ARID1A: variants seen among roughly 807,000 people sequenced by gnomAD.
ARID1A encodes AT-rich interactive domain-containing protein 1A.
ARID1A carries 20 observed loss-of-function variants against 212.6 expected under a neutral mutation model. The observed-to-expected ratio is 0.09, with a 90% confidence interval of 0.07 to 0.14. The LOEUF (loss-of-function observed/expected upper bound fraction) is 0.14. Among genes scored for constraint, ARID1A ranks in the 10% least tolerant of loss-of-function variants. The probability of loss-of-function intolerance (pLI) is 1.00; values close to 1 mark genes in which losing one functional copy is unlikely to be tolerated. For synonymous variants in ARID1A, 1,376 were observed against 1,222.1 expected (o/e 1.13, Z -2.63); for missense variants, 2,587 against 3,059.0 (o/e 0.85, Z 3.64).
chr1:26,771,434 G>T lies in ARID1A; in HGVS notation c.3406+108G>T. 8.0e-7 allele frequency: 1 copy of T among 1,244,920 alleles called. No individual in the cohort carries two copies. The highest frequency in any genetic ancestry group is 1.4e-5 in the South Asian group (1 of 69,424). 77.1% of individuals were successfully genotyped at this position (1,244,920 alleles called of 1,614,324 possible). On this transcript the variant is annotated intron_variant, in intron 12 of 19. Transcript: ENST00000324856. This position sits in a 1 kb window ranked among gnomAD's most constrained non-coding sequence, Gnocchi z 5.4. ...ATCCAACAGGATATGCCAAGGATCT[G>T]TGCTCTGCCTTGCCCTACCACAGGG... is the stretch of plus-strand genomic sequence containing the variant.
chr1:26,708,843 C>T (rs1346593899), intron 1 of ARID1A, among the ~76,000 whole-genome samples: 10 of 151,756 alleles, frequency 6.6e-5, no homozygotes, highest in South Asian at 2.1e-4. Context: ...TACAGGTGCC[C>T]GCCACCACGC....
chr1:26,746,058 A>T (rs1428336330), intron 4 of ARID1A, among the ~76,000 whole-genome samples: 2 of 152,216 alleles, frequency 1.3e-5, no homozygotes, highest in Non-Finnish European at 2.9e-5. Context: ...TCTCAAAAAA[A>T]TAGAAAAGGA....
rs2124070250 is a variant in ARID1A at position 26,763,234 on chromosome 1, C to T, written c.2681C>T (p.Thr894Ile). The T allele has an allele frequency of 6.2e-7, 1 of 1,613,292 alleles. No individual in the cohort carries two copies. Among genetic ancestry groups the T allele is most frequent in the Non-Finnish European group, 8.5e-7 (1 of 1,179,366 alleles). Reference protein sequence around the residue: ...CPPPGGMNRKTQETAVAMHVA... With the variant: ...CPPPGGMNRKIQETAVAMHVA... ...CCACCAGGGGGCATGAACCGGAAAA[C>T]CCAAGAAACTGCTGTCGCCATGCAT... The change falls in exon 8 of 20, where the codon ACC (threonine) becomes ATC (isoleucine). Residue 894 changes from threonine (T) to isoleucine (I), a missense_variant. Physicochemically the swap from Thr to Ile is moderately conservative, Grantham distance 89 (BLOSUM62 -1). Transcript: ENST00000324856.
At chr1:26,728,136 A>G (rs146834894) in intron 1 of ARID1A, among the ~76,000 whole-genome samples, 93 of 152,270 alleles carry the variant, frequency 6.1e-4, no homozygotes, top group African/African-American at 2.2e-3. Flanking sequence ...GTGATTTGGG[A>G]CACAGTTTTA....
intron 1 of ARID1A, among the ~76,000 whole-genome samples, chr1:26,705,152 T>TG (rs2080376954): frequency 6.6e-6 from 1 of 152,132 alleles, no homozygotes; most frequent in Non-Finnish European, 1.5e-5. Flanking sequence ...CCTTTTTTTT[T>TG]TTTTGAGATG....
intron 5 of ARID1A, 72 bp downstream of exon 5, chr1:26,761,168 T>G: frequency 1.9e-6 from 3 of 1,573,794 alleles, no homozygotes; most frequent in Non-Finnish European, 2.6e-6. Flanking sequence ...AGCCCTAGTC[T>G]TCCACTGGCA....
At position 26,771,089 on chromosome 1, in the gene ARID1A, T is replaced by A; in HGVS notation, c.3199-30T>A. On this transcript the variant is annotated intron_variant, in intron 11 of 19. Coordinates refer to ENST00000324856, the MANE Select transcript of ARID1A (RefSeq NM_006015.6). This position sits in a 1 kb window ranked among gnomAD's most constrained non-coding sequence, Gnocchi z 5.4. ...GGGCAGGAAAACCAGGCGGGAGATATACCTCGACTCCTTTGGTTTGGTTAT... is the reference window on the plus strand; with the variant it reads ...GGGCAGGAAAACCAGGCGGGAGATAAACCTCGACTCCTTTGGTTTGGTTAT... The A allele has an allele frequency of 1.9e-6, 3 of 1,610,248 alleles. No homozygotes were observed. The highest frequency in any genetic ancestry group is 2.6e-6 in the Non-Finnish European group (3 of 1,176,468).
In ARID1A at chr1:26,780,336, G is replaced by A. The variant is rs2124149090; in HGVS notation, c.6438G>A (p.Lys2146=). The A allele has an allele frequency of 6.2e-7, 1 of 1,614,258 alleles. No homozygotes were observed. Among genetic ancestry groups the A allele is most frequent in the Non-Finnish European group, 8.5e-7 (1 of 1,180,040 alleles). Residue 2146 remains lysine (K), a synonymous_variant, in exon 20 of 20, where the codon AAG becomes AAA. Coordinates refer to ENST00000324856, the MANE Select transcript of ARID1A (RefSeq NM_006015.6). The surrounding 1 kb of genome is among the most constrained non-coding windows in gnomAD (Gnocchi z 7.2). ...CACCCCCCTTCAGCCGCCTGGAGAA[G>A]TTGTATAGCACTATGGTGCGCTTCC... The part of the protein sequence containing the change: ...LATPPFSRLE[K]LYSTMVRFLS...
At position 26,781,159 on chromosome 1, in the gene ARID1A, TAAAA is replaced by T. The variant is rs71007893; in HGVS notation, c.*418_*421del. The T allele has an allele frequency of 1.2e-4, 24 of 195,178 alleles. No individual in the cohort carries two copies. Among genetic ancestry groups the T allele is most frequent in the African/African-American group, 1.8e-4 (6 of 34,260 alleles). 12.1% of individuals were successfully genotyped at this position (195,178 alleles called of 1,614,324 possible). A position where few individuals can be genotyped will look rare whatever the true frequency, so the allele number is the denominator to read the frequency against. The stretch of plus-strand genomic sequence containing the variant: ...CACATTTCATAACTGTTTTTAATGG[TAAAA>T]AAAAAAAAAAAAAATACAAAAAAAA... On this transcript the variant is annotated 3_prime_UTR_variant, in exon 20 of 20. Transcript: ENST00000324856.
chr1:26,732,826 G>A (rs199847314), intron 4 of ARID1A, 34 bp downstream of exon 4: 7 of 1,549,086 alleles, frequency 4.5e-6, no homozygotes, highest in Non-Finnish European at 6.2e-6. Flanking sequence ...AAGGTGATAG[G>A]GGCAGAGAGG....
rs2124098027 is a variant in ARID1A at position 26,771,273 on chromosome 1, T to C, written c.3353T>C (p.Phe1118Ser). 2 of 1,614,186 alleles carry C rather than the reference T, an allele frequency of 1.2e-6. No homozygotes were observed. Among genetic ancestry groups the C allele is most frequent in the Non-Finnish European group, 1.7e-6 (2 of 1,180,036 alleles). The change falls in exon 12 of 20, where the codon TTT becomes TCT. Residue 1118 changes from phenylalanine (F) to serine (S), a missense_variant. Around this residue, in one of 11 missense-constraint regions of ARID1A, gnomAD observed 890 missense variants for 1,098.2 expected, o/e 0.81. Coordinates refer to ENST00000324856, the MANE Select transcript of ARID1A (RefSeq NM_006015.6). This position sits in a 1 kb window ranked among gnomAD's most constrained non-coding sequence, Gnocchi z 5.4. Reference protein sequence around the residue: ...ERGEDPPPDIFAAADSKKSQP... With the variant: ...ERGEDPPPDISAAADSKKSQP... ...GGAGAAGACCCTCCCCCAGACATCTTTGCAGCTGCTGATTCCAAGAAGTCC... is the reference window on the plus strand; with the variant it reads ...GGAGAAGACCCTCCCCCAGACATCTCTGCAGCTGCTGATTCCAAGAAGTCC...
chr1:26,762,043 C>G, intron 6 of ARID1A, 109 bp from the exon 7 acceptor site: 1 of 1,255,118 alleles, frequency 8.0e-7, no homozygotes, highest in Non-Finnish European at 1.1e-6. Flanking sequence ...AGACTCCATG[C>G]AAGTGGCTGC....
At position 26,780,777 on chromosome 1, in the gene ARID1A, C is replaced by G. The variant is rs377624643; in HGVS notation, c.*21C>G. On this transcript the variant is annotated 3_prime_UTR_variant, in exon 20 of 20. Coordinates refer to ENST00000324856, the MANE Select transcript of ARID1A (RefSeq NM_006015.6). The surrounding 1 kb of genome is among the most constrained non-coding windows in gnomAD (Gnocchi z 7.2). ...CATGACAGCCGTGGGACACCTCCCC[C>G]CCCCGTGTGTGTGTGCGTGTGTGGA... The G allele has an allele frequency of 1.5e-5, 23 of 1,543,698 alleles. No homozygotes were observed. The East Asian group carries it at 2.5e-4, about 17-fold the overall frequency.
Position 26,779,985 on chromosome 1 carries a change from A to G in ARID1A, c.6087A>G (p.Leu2029=), listed in dbSNP as rs777531687. The change falls in exon 20 of 20, where the codon CTA becomes CTG. Residue 2029 remains leucine (L), a synonymous_variant. Transcript: ENST00000324856. The part of the protein sequence containing the change: ...HKHPERKQAP[L]TYEKEEEQDQ... ...ACCCAGAACGGAAGCAGGCACCACTAACTTATGAAAAGGAGGAGGAACAGG... is the reference window on the plus strand; with the variant it reads ...ACCCAGAACGGAAGCAGGCACCACTGACTTATGAAAAGGAGGAGGAACAGG... The G allele has an allele frequency of 5.0e-6, 8 of 1,614,034 alleles. 1 individual carries two copies. In the African/African-American group the frequency reaches 9.3e-5, roughly 19 times the overall value.
chr1:26,756,915 T>G (rs147496654), intron 4 of ARID1A, among the ~76,000 whole-genome samples: 2,124 of 151,926 alleles, frequency 0.014, 15 homozygotes, highest in African/African-American at 0.017. Context: ...TGTTAGCCAG[T>G]ATGGTCTCGA....
chr1:26,775,966 C>G (rs2081131113), intron 19 of ARID1A: 4 of 601,794 alleles, frequency 6.6e-6, no homozygotes, highest in Non-Finnish European at 1.2e-5. Flanking sequence ...AGTAAGAATT[C>G]AGATTCAATC....
At chr1:26,709,801 G>T (rs2080432489) in intron 1 of ARID1A, among the ~76,000 whole-genome samples, 1 of 149,744 alleles carries the variant, frequency 6.7e-6, no homozygotes, top group Non-Finnish European at 1.5e-5. Context: ...ACAAGCACAT[G>T]TCACTATGCC....
chr1:26,722,483 C>T (rs1019340058), intron 1 of ARID1A, among the ~76,000 whole-genome samples: 2 of 152,190 alleles, frequency 1.3e-5, no homozygotes, highest in African/African-American at 2.4e-5. Context: ...TGACCTCAGG[C>T]GATCTGCCGC....
chr1:26,696,407 G>T lies in ARID1A; in HGVS notation c.4G>T (p.Ala2Ser), dbSNP rs1333869920. 8 of 1,283,548 alleles carry T rather than the reference G, an allele frequency of 6.2e-6. No homozygotes were observed. The highest frequency in any genetic ancestry group is 5.9e-6 in the Non-Finnish European group (6 of 1,017,564). The allele number at this position is 1,283,548 out of a possible 1,614,324, so 79.5% of individuals were successfully genotyped here. A position where few individuals can be genotyped will look rare whatever the true frequency, so the allele number is the denominator to read the frequency against. Residue 2 changes from alanine (A) to serine (S), a missense_variant, in exon 1 of 20, where the codon GCC becomes TCC. Around this residue, in one of 11 missense-constraint regions of ARID1A, gnomAD observed 735 missense variants for 590.6 expected, o/e 1.24. Transcript: ENST00000324856. ...CGCGGACGAGACAGCGGGGATCATG[G>T]CCGCGCAGGTCGCCCCCGCCGCCGC... M[A>S]AQVAPAAASS...
Sources: gnomAD v4.1 joint callset for allele counts (sites outside exome capture counted in the v4.1 genomes callset) on GRCh38, gnomAD v4.1.1 for gene constraint, gnomAD v4.1.1 regional missense constraint, Gnocchi (gnomAD v3.1) non-coding constraint, MANE v1.5 for transcripts, NCBI Gene and HGNC (gene_info 2026-07-23, HGNC 2026-07-21) for gene names.